Variants in LINGO2 observed in about 807,000 individuals in gnomAD.
LINGO2 encodes leucine-rich repeat and immunoglobulin-like domain-containing nogo receptor-interacting protein 2.
A neutral mutation model predicts 30.6 loss-of-function variants in LINGO2; 14 were observed. The observed-to-expected ratio is 0.46, with a 90% confidence interval of 0.30 to 0.72. The LOEUF is 0.72. LINGO2 is among the 30% of genes least tolerant of loss of function. The probability of loss-of-function intolerance (pLI) is 0.07; values close to 1 mark genes in which losing one functional copy is unlikely to be tolerated. For missense variants in LINGO2, 729 were observed against 751.7 expected (o/e 0.97, Z 0.35); for synonymous variants, 317 against 288.5 (o/e 1.10, Z -1.00).
At chr9:28,958,161 G>A in the LINGO2 span, among the ~76,000 whole-genome samples, 4 of 152,078 alleles carry the variant, frequency 2.6e-5, no homozygotes, top group African/African-American at 9.7e-5. Flanking sequence ...TCATGTCATA[G>A]ACTATCTGAA....
At chr9:28,099,774 C>A (rs16912480) in intron 4 of LINGO2, among the ~76,000 whole-genome samples, 1 of 152,130 alleles carries the variant, frequency 6.6e-6, no homozygotes, top group East Asian at 1.9e-4. Flanking sequence ...CAGGAGAAAT[C>A]TGGTCTTAAA....
chr9:28,360,948 G>T (rs1820415100), intron 3 of LINGO2, among the ~76,000 whole-genome samples: 1 of 152,108 alleles, frequency 6.6e-6, no homozygotes, highest in African/African-American at 2.4e-5. Context: ...CCTTATTTGT[G>T]GTTTAGCTTT....
intron 1 of LINGO2, among the ~76,000 whole-genome samples, chr9:28,489,523 C>A (rs1826303040): frequency 6.6e-6 from 1 of 152,024 alleles, no homozygotes; most frequent in African/African-American, 2.4e-5. Flanking sequence ...TGAGGATAGG[C>A]CTGAACTTTT....
chr9:28,630,991 A>C (rs1322138610), intron 1 of LINGO2, among the ~76,000 whole-genome samples: 1 of 151,904 alleles, frequency 6.6e-6, no homozygotes, highest in Non-Finnish European at 1.5e-5. Context: ...AGATGTTACC[A>C]TTGGAGAAAA....
the LINGO2 span, among the ~76,000 whole-genome samples, chr9:29,121,168 T>G: frequency 6.6e-6 from 1 of 152,196 alleles, no homozygotes; most frequent in Non-Finnish European, 1.5e-5. Context: ...GAATTAGATT[T>G]CTTGATGCAC....
At chr9:29,111,937 A>ATATATATTTATAT in the LINGO2 span, among the ~76,000 whole-genome samples, 1 of 149,258 alleles carries the variant, frequency 6.7e-6, no homozygotes, top group Non-Finnish European at 1.5e-5. Flanking sequence ...GTGTATATAT[A>ATATATATTTATAT]ATGTATTTAA....
chr9:29,051,235 A>G, the LINGO2 span, among the ~76,000 whole-genome samples: 1 of 152,150 alleles, frequency 6.6e-6, no homozygotes, highest in African/African-American at 2.4e-5. Flanking sequence ...ACATATACCC[A>G]CTATTATAGT....
chr9:28,320,964 T>C (rs1825019883), intron 3 of LINGO2, among the ~76,000 whole-genome samples: 1 of 152,214 alleles, frequency 6.6e-6, no homozygotes, highest in Admixed American at 6.5e-5. Context: ...AGTAATTTAA[T>C]GCACTTTGTC....
chr9:28,797,359 T>TATATATATATAGAGAGAGAGAGAG, the LINGO2 span, among the ~76,000 whole-genome samples: 1 of 34,214 alleles, frequency 2.9e-5, no homozygotes, highest in African/African-American at 9.6e-5. Flanking sequence ...TATATATATA[T>TATATATATATAGAGAGAGAGAGAG]AGAGAGAGAG....
the LINGO2 span, among the ~76,000 whole-genome samples, chr9:28,689,525 C>A: frequency 2.0e-5 from 3 of 151,820 alleles, no homozygotes; most frequent in African/African-American, 7.3e-5. Flanking sequence ...TCACACCAGT[C>A]AGAATGGCTA....
the LINGO2 span, among the ~76,000 whole-genome samples, chr9:28,894,672 A>T: frequency 1.3e-5 from 2 of 151,912 alleles, no homozygotes; most frequent in Non-Finnish European, 2.9e-5. Flanking sequence ...TTAATAATAT[A>T]TAATATTTGT....
intron 1 of LINGO2, among the ~76,000 whole-genome samples, chr9:28,603,063 C>CAAA (rs1466166454): frequency 1.3e-5 from 2 of 152,040 alleles, no homozygotes; most frequent in Non-Finnish European, 2.9e-5. Flanking sequence ...GCTAGACACT[C>CAAA]AAGTTTTCTG....
chr9:28,984,147 C>A, the LINGO2 span, among the ~76,000 whole-genome samples: 1 of 152,110 alleles, frequency 6.6e-6, no homozygotes. Context: ...TCTTATACTA[C>A]ATAAAATGTC....
the LINGO2 span, among the ~76,000 whole-genome samples, chr9:28,774,789 T>C: frequency 1.3e-5 from 2 of 152,178 alleles, no homozygotes; most frequent in Non-Finnish European, 2.9e-5. Context: ...GTTCAATTTT[T>C]TCAGTGGGAA....
chr9:28,546,021 T>A (rs1372969974), intron 1 of LINGO2, among the ~76,000 whole-genome samples: 1 of 152,038 alleles, frequency 6.6e-6, no homozygotes, highest in African/African-American at 2.4e-5. Flanking sequence ...ATTAGCTAAT[T>A]TTATCTTCAT....
Position 28,281,299 on chromosome 9 carries a change from T to C in LINGO2, c.-87+13909A>G, listed in dbSNP as rs537041668. 4.6e-5 allele frequency among the ~76,000 whole-genome samples: 7 copies of C among 152,238 alleles called. No individual in the cohort carries two copies. In the South Asian group the frequency reaches 1.5e-3, roughly 32 times the overall value. On this transcript the variant is annotated intron_variant, in intron 4 of 5. Transcript: ENST00000379992. ...AACTACTTCCAATATTTTAATGTAG[T>C]ATTCAAATTTGAATTTTCAGTGTAA...
the LINGO2 span, among the ~76,000 whole-genome samples, chr9:28,945,723 G>A: frequency 6.6e-6 from 1 of 152,126 alleles, no homozygotes; most frequent in Non-Finnish European, 1.5e-5. Context: ...CCAGGTGGTT[G>A]TAAACACTTT....
the LINGO2 span, among the ~76,000 whole-genome samples, chr9:28,827,642 G>A: frequency 6.6e-6 from 1 of 152,086 alleles, no homozygotes; most frequent in Non-Finnish European, 1.5e-5. Flanking sequence ...ACAAACATGA[G>A]AGTGATAATA....
chr9:29,198,512 G>A, the LINGO2 span, among the ~76,000 whole-genome samples: 43 of 152,180 alleles, frequency 2.8e-4, no homozygotes, highest in Admixed American at 1.4e-3. Flanking sequence ...ACTGATGCTC[G>A]GGGACAGAAG....
Sources: gnomAD v4.1 joint callset for allele counts (sites outside exome capture counted in the v4.1 genomes callset) on GRCh38, gnomAD v4.1.1 for gene constraint, MANE v1.5 for transcripts, NCBI Gene and HGNC (gene_info 2026-07-23, HGNC 2026-07-21) for gene names.